Variants in KLHL32 observed in about 807,000 individuals in gnomAD.
The protein encoded by KLHL32 is kelch-like protein 32.
KLHL32 carries 35 observed loss-of-function variants against 64.8 expected under a neutral mutation model. The ratio of observed to expected loss-of-function variants is 0.54; its 90% CI spans 0.41 to 0.72. KLHL32 has a LOEUF of 0.72. Among genes scored for constraint, KLHL32 ranks in the 30% least tolerant of loss-of-function variants. The pLI is 0.00. For missense variants in KLHL32, 589 were observed against 768.5 expected, an observed-to-expected ratio of 0.77 and a Z score of 2.76; for synonymous variants, 259 against 281.0, an observed-to-expected ratio of 0.92 and a Z score of 0.78.
intron 6 of KLHL32, among the ~76,000 whole-genome samples, chr6:97,111,030 T>TTGG (rs1260245483): frequency 1.4e-5 from 2 of 143,016 alleles, no homozygotes; most frequent in African/African-American, 5.3e-5. Flanking sequence ...AGAAAAGTCT[T>TTGG]GGGGGGGGGG....
At chr6:97,075,666 C>T (rs1373850623) in intron 5 of KLHL32, among the ~76,000 whole-genome samples, 1 of 152,096 alleles carries the variant, frequency 6.6e-6, no homozygotes, top group Non-Finnish European at 1.5e-5. Flanking sequence ...CCACACCAGC[C>T]CCCTTTATGT....
At chr6:97,004,497 G>C (rs1779421045) in intron 3 of KLHL32, among the ~76,000 whole-genome samples, 1 of 152,144 alleles carries the variant, frequency 6.6e-6, no homozygotes, top group East Asian at 1.9e-4. Context: ...GTTCTGGCTA[G>C]GACTTCCAGT....
the KLHL32 span, among the ~76,000 whole-genome samples, chr6:96,900,841 G>A: frequency 6.6e-6 from 1 of 152,218 alleles, no homozygotes; most frequent in African/African-American, 2.4e-5. Context: ...TCTGGCAGAG[G>A]TTCTGGTGTT....
intron 3 of KLHL32, among the ~76,000 whole-genome samples, chr6:96,978,211 A>T (rs1775920888): frequency 6.6e-6 from 1 of 152,044 alleles, no homozygotes; most frequent in Admixed American, 6.6e-5. Context: ...ATGTTTCATG[A>T]GGGTTTGGTG....
chr6:97,065,790 A>G (rs1376220389), intron 5 of KLHL32, among the ~76,000 whole-genome samples: 1 of 152,124 alleles, frequency 6.6e-6, no homozygotes, highest in Non-Finnish European at 1.5e-5. Flanking sequence ...GTTACCTCTT[A>G]GGTAGTTTAC....
At chr6:96,967,472 T>TAG (rs1774590433) in intron 2 of KLHL32, among the ~76,000 whole-genome samples, 1 of 151,038 alleles carries the variant, frequency 6.6e-6, no homozygotes, top group Non-Finnish European at 1.5e-5. Context: ...TGTATATATA[T>TAG]ATAGAGAGAG....
In KLHL32 at chr6:97,132,667, G is replaced by A. The variant is rs1304453748; in HGVS notation, c.1621G>A (p.Gly541Arg). Residue 541 changes from glycine (G) to arginine (R), a missense_variant, in exon 10 of 11, where the codon GGA becomes AGA. Around this residue, in one of 3 missense-constraint regions of KLHL32, gnomAD observed 172 missense variants for 192.0 expected, o/e 0.90. Transcript: ENST00000369261. ...FNLLTGQNES[G>R]VAVHNGRIYL... Reference sequence around the variant, plus strand: ...CTTTACTTTAGGCCAAAATGAATCTGGAGTTGCTGTCCATAATGGGAGAAT... The same window carrying A: ...CTTTACTTTAGGCCAAAATGAATCTAGAGTTGCTGTCCATAATGGGAGAAT... 1 of 1,609,526 alleles carries A rather than the reference G, an allele frequency of 6.2e-7. No individual in the cohort carries two copies. Among genetic ancestry groups the A allele is most frequent in the East Asian group, 2.2e-5 (1 of 44,800 alleles).
At chr6:97,113,616 A>G (rs1051288031) in intron 6 of KLHL32, among the ~76,000 whole-genome samples, 167 bp from the exon 7 acceptor site, 1 of 152,156 alleles carries the variant, frequency 6.6e-6, no homozygotes, top group Non-Finnish European at 1.5e-5. Flanking sequence ...GCTGAGACGG[A>G]AAAAAAGTTC....
intron 1 of KLHL32, among the ~76,000 whole-genome samples, chr6:96,946,171 AG>A (rs1483792919): frequency 2.0e-5 from 3 of 148,274 alleles, no homozygotes; most frequent in Non-Finnish European, 3.0e-5. Context: ...GAGTTTATTT[AG>A]GAAAAAAATA....
At chr6:96,940,210 A>G (rs1231652674) in intron 1 of KLHL32, among the ~76,000 whole-genome samples, 1 of 152,144 alleles carries the variant, frequency 6.6e-6, no homozygotes, top group East Asian at 1.9e-4. Flanking sequence ...CAAATAGGTT[A>G]TTGTGTGTTT....
intron 3 of KLHL32, among the ~76,000 whole-genome samples, chr6:97,035,231 A>G (rs1582794336): frequency 6.6e-6 from 1 of 152,110 alleles, no homozygotes; most frequent in East Asian, 1.9e-4. Context: ...TTAACTGCAC[A>G]CAGAAATTCC....
chr6:96,901,154 A>G, the KLHL32 span, among the ~76,000 whole-genome samples: 1 of 152,306 alleles, frequency 6.6e-6, no homozygotes, highest in South Asian at 2.1e-4. Flanking sequence ...TACTGCACTC[A>G]TGACTTTTGT....
intron 5 of KLHL32, among the ~76,000 whole-genome samples, chr6:97,067,119 C>T (rs370903474): frequency 1.6e-4 from 25 of 152,284 alleles, no homozygotes; most frequent in African/African-American, 5.8e-4. Flanking sequence ...CCATTGCCCT[C>T]CAGTGCTCAC....
intron 1 of KLHL32, among the ~76,000 whole-genome samples, chr6:96,956,527 A>C (rs1234565798): frequency 3.3e-5 from 5 of 152,112 alleles, no homozygotes; most frequent in African/African-American, 1.2e-4. Flanking sequence ...CTCATTTGGA[A>C]AGCTTTCTCC....
chr6:97,098,038 C>CA (rs1300055012), intron 6 of KLHL32, among the ~76,000 whole-genome samples: 1 of 152,170 alleles, frequency 6.6e-6, no homozygotes. Context: ...GGAAGGAAGA[C>CA]AGAGATTTGT....
In KLHL32 at chr6:97,004,830, G is replaced by C. The variant is rs141371850; in HGVS notation, c.204+28653G>C. On this transcript the variant is annotated intron_variant, in intron 3 of 10. Transcript: ENST00000369261. Reference sequence around the variant, plus strand: ...TGCTTCCCAAGGAAAAAGCCTATTTGATCGTAGTGCATTAGCTTTTTGATG... The same window carrying C: ...TGCTTCCCAAGGAAAAAGCCTATTTCATCGTAGTGCATTAGCTTTTTGATG... 3.9e-5 allele frequency among the ~76,000 whole-genome samples: 6 copies of C among 152,248 alleles called. No homozygotes were observed. In the East Asian group the frequency reaches 1.2e-3, roughly 29 times the overall value.
chr6:96,994,085 A>G (rs1778175066), intron 3 of KLHL32, among the ~76,000 whole-genome samples: 1 of 152,236 alleles, frequency 6.6e-6, no homozygotes, highest in South Asian at 2.1e-4. Flanking sequence ...ACATCCTTGA[A>G]AAGAAAGTTC....
At chr6:97,038,597 A>G (rs1470990609) in intron 3 of KLHL32, among the ~76,000 whole-genome samples, 1 of 152,168 alleles carries the variant, frequency 6.6e-6, no homozygotes, top group East Asian at 1.9e-4. Context: ...GGAGAATGGT[A>G]TGGAGGTTCC....
intron 4 of KLHL32, among the ~76,000 whole-genome samples, chr6:97,047,358 C>G (rs766222654): frequency 6.6e-6 from 1 of 152,152 alleles, no homozygotes; most frequent in Non-Finnish European, 1.5e-5. Context: ...GGTGTCCTTG[C>G]ACAGCCATGC....
Sources: gnomAD v4.1 joint callset for allele counts (sites outside exome capture counted in the v4.1 genomes callset) on GRCh38, gnomAD v4.1.1 for gene constraint, gnomAD v4.1.1 regional missense constraint, MANE v1.5 for transcripts, NCBI Gene and HGNC (gene_info 2026-07-23, HGNC 2026-07-21) for gene names.